Variants in ASPRV1 observed in about 807,000 individuals in gnomAD.
ASPRV1 encodes retroviral-like aspartic protease 1.
In ASPRV1, 7 loss-of-function variants were observed where a neutral mutation model predicts 11.0. The observed-to-expected ratio is 0.64, with a 90% confidence interval of 0.36 to 1.20. The LOEUF is 1.20. ASPRV1 is among the 50% of genes most tolerant of loss of function. The pLI, the probability that ASPRV1 is intolerant of heterozygous loss-of-function variation, is 0.02. For synonymous variants in ASPRV1, 136 were observed against 138.4 expected (o/e 0.98, Z 0.12); for missense variants, 299 against 320.0 (o/e 0.93, Z 0.50).
At chr2:69,956,444 G>GAAGAAGAAGAAGA (rs1677937975), downstream of ASPRV1, among the ~76,000 whole-genome samples, 1 of 94,828 alleles carries the variant, frequency 1.1e-5, no homozygotes, top group African/African-American at 8.7e-5. Context: ...GAAGGAGAAG[G>GAAGAAGAAGAAGA]AGAAGAGGAA....
chr2:70,042,046 C>T, the ASPRV1 span, among the ~76,000 whole-genome samples: 1 of 152,120 alleles, frequency 6.6e-6, no homozygotes. Context: ...CTTTCCAAAA[C>T]TGTATTCCAC....
the ASPRV1 span, among the ~76,000 whole-genome samples, chr2:70,018,691 T>C: frequency 2.0e-5 from 3 of 152,182 alleles, no homozygotes; most frequent in African/African-American, 7.2e-5. Flanking sequence ...GCCTACTCAA[T>C]AAATGGTGCT....
chr2:69,949,054 C>G, the ASPRV1 span, among the ~76,000 whole-genome samples: 2 of 152,294 alleles, frequency 1.3e-5, no homozygotes, highest in East Asian at 3.9e-4. Context: ...AATCGCAGCT[C>G]CCTGGTCACT....
At chr2:70,065,837 A>G in the ASPRV1 span, among the ~76,000 whole-genome samples, 1 of 145,642 alleles carries the variant, frequency 6.9e-6, no homozygotes, top group Non-Finnish European at 1.5e-5. Flanking sequence ...AAAAAAAAAA[A>G]AAAAAAAGAA....
chr2:69,935,259 G>A, the ASPRV1 span: 2 of 872,536 alleles, frequency 2.3e-6, no homozygotes, highest in Admixed American at 3.9e-5. Context: ...CAAGGCCTGG[G>A]CAACTTCACA....
At chr2:70,061,969 A>AG in the ASPRV1 span, among the ~76,000 whole-genome samples, 106 of 151,290 alleles carry the variant, frequency 7.0e-4, no homozygotes, top group African/African-American at 2.4e-3. Flanking sequence ...GTCTCAAAAA[A>AG]AAAAAAAAGG....
chr2:69,967,845 C>A, the ASPRV1 span, among the ~76,000 whole-genome samples: 5 of 152,106 alleles, frequency 3.3e-5, no homozygotes, highest in African/African-American at 1.2e-4. Flanking sequence ...CTTTGGGAGG[C>A]TGAGGTGGGT....
chr2:69,998,661 G>T, the ASPRV1 span, among the ~76,000 whole-genome samples: 110 of 151,880 alleles, frequency 7.2e-4, no homozygotes, highest in African/African-American at 2.4e-3. Context: ...CCCGGGAGGC[G>T]GATCTTGCAG....
the ASPRV1 span, among the ~76,000 whole-genome samples, chr2:69,998,317 T>G: frequency 6.6e-6 from 1 of 151,702 alleles, no homozygotes; most frequent in Non-Finnish European, 1.5e-5. Flanking sequence ...TGTTTGTCAT[T>G]CCCCAATAAG....
downstream of ASPRV1, among the ~76,000 whole-genome samples, chr2:69,959,533 A>G (rs1678014941): frequency 6.6e-6 from 1 of 151,850 alleles, no homozygotes; most frequent in Non-Finnish European, 1.5e-5. Flanking sequence ...CCTCCCCTCC[A>G]TCAGGTCATC....
the ASPRV1 span, among the ~76,000 whole-genome samples, chr2:70,065,215 T>C: frequency 6.6e-6 from 1 of 151,842 alleles, no homozygotes; most frequent in African/African-American, 2.4e-5. Flanking sequence ...GAGATCATCC[T>C]GGCTAACACG....
the ASPRV1 span, among the ~76,000 whole-genome samples, chr2:69,985,233 T>C: frequency 6.6e-6 from 1 of 152,102 alleles, no homozygotes; most frequent in South Asian, 2.1e-4. Flanking sequence ...CCTTCTCTCC[T>C]TCCCTTCTTT....
upstream of ASPRV1, chr2:69,963,227 G>A (rs1451511610): frequency 4.4e-6 from 2 of 454,870 alleles, no homozygotes. Flanking sequence ...TGGCTAAGGT[G>A]GGGCCATTGT....
chr2:70,016,188 T>C, the ASPRV1 span: 5 of 152,166 alleles, frequency 3.3e-5, no homozygotes, highest in African/African-American at 7.2e-5. Flanking sequence ...TAATAAACTT[T>C]AGAAGACTGA....
At chr2:69,972,507 G>T in the ASPRV1 span, among the ~76,000 whole-genome samples, 15 of 151,898 alleles carry the variant, frequency 9.9e-5, no homozygotes, top group South Asian at 2.1e-4. Context: ...ACAGGCTCCC[G>T]CCACCATGCC....
chr2:69,978,491 C>G, the ASPRV1 span, among the ~76,000 whole-genome samples: 1 of 152,246 alleles, frequency 6.6e-6, no homozygotes, highest in African/African-American at 2.4e-5. Context: ...CCCAGCCCAT[C>G]AAGCAGTTAT....
At chr2:69,933,214 AAAAAAAAAAAC>A in the ASPRV1 span, among the ~76,000 whole-genome samples, 3 of 151,334 alleles carry the variant, frequency 2.0e-5, no homozygotes, top group South Asian at 2.1e-4. Context: ...AAAAAAAAAA[AAAAAAAAAAAC>A]AAAAAAAGAA....
chr2:69,950,234 C>A, the ASPRV1 span, among the ~76,000 whole-genome samples: 1 of 152,224 alleles, frequency 6.6e-6, no homozygotes, highest in Non-Finnish European at 1.5e-5. Context: ...CCCCCAGGTA[C>A]ACCTGAGTGT....
the ASPRV1 span, among the ~76,000 whole-genome samples, chr2:70,054,621 G>C: frequency 6.6e-6 from 1 of 151,720 alleles, no homozygotes; most frequent in Non-Finnish European, 1.5e-5. Context: ...TAATAAGAGG[G>C]CTCCAGGATT....
Sources: allele counts gnomAD v4.1 joint callset (sites outside exome capture counted in the v4.1 genomes callset), GRCh38; gene constraint gnomAD v4.1.1; transcripts MANE v1.5; gene names NCBI Gene and HGNC (gene_info 2026-07-23, HGNC 2026-07-21).